Variants in FRMPD4 observed in about 807,000 individuals in gnomAD.
FRMPD4 encodes FERM and PDZ domain containing 4.
A neutral mutation model predicts 94.1 loss-of-function variants in FRMPD4; 22 were observed. The observed-to-expected ratio is 0.23, with a 90% confidence interval of 0.17 to 0.33. The LOEUF (loss-of-function observed/expected upper bound fraction) is 0.33, where lower values mean the gene tolerates loss of function less well. Among genes scored for constraint, FRMPD4 ranks in the 10% least tolerant of loss-of-function variants. The pLI, the probability that FRMPD4 is intolerant of heterozygous loss-of-function variation, is 1.00. For missense variants in FRMPD4, 1,111 were observed against 1,339.9 expected, an observed-to-expected ratio of 0.83 and a Z score of 2.67; for synonymous variants, 631 against 548.6, an observed-to-expected ratio of 1.15 and a Z score of -2.10.
At chrX:12,644,906 G>A (rs2059533569) in intron 4 of FRMPD4, among the ~76,000 whole-genome samples, 1 of 111,974 alleles carries the variant, frequency 8.9e-6, no homozygotes, top group Non-Finnish European at 1.9e-5. Flanking sequence ...AGCAAAGCAA[G>A]TCGAGAGTGA....
chrX:12,508,485 G>A lies in FRMPD4; in HGVS notation c.158+9689G>A, dbSNP rs2058008352. ...AACAAAAATCAGTTTGCACTGCCTAGAATATTGTCTGGGAAATAGTATGCA... is the reference window on the plus strand; with the variant it reads ...AACAAAAATCAGTTTGCACTGCCTAAAATATTGTCTGGGAAATAGTATGCA... On this transcript the variant is annotated intron_variant, in intron 2 of 16. Transcript: ENST00000675598. Among the ~76,000 whole-genome samples, 3 of 112,376 alleles carry A rather than the reference G, an allele frequency of 2.7e-5. No homozygotes were observed. The South Asian group carries it at 1.1e-3, about 41-fold the overall frequency.
chrX:12,400,554 T>C, intron 1 of FRMPD4, among the ~76,000 whole-genome samples: 1 of 112,144 alleles, frequency 8.9e-6, no homozygotes, highest in African/African-American at 3.2e-5. Context: ...ATTTTGAAAA[T>C]ATTACTTTCT....
intron 3 of FRMPD4, among the ~76,000 whole-genome samples, chrX:11,878,154 CT>C (rs2053795386): frequency 8.9e-6 from 1 of 111,929 alleles, no homozygotes; most frequent in African/African-American, 3.2e-5. Context: ...AGAACGATGC[CT>C]TTGGAGAAAA....
At position 12,332,202 on chromosome X, in the gene FRMPD4, A is replaced by ATC. The variant is rs1271840920; in HGVS notation, c.42-166477_42-166476insCT. 2.1e-4 allele frequency among the ~76,000 whole-genome samples: 14 copies of ATC among 67,459 alleles called. 1 individual carries two copies. The highest frequency in any genetic ancestry group is 1.2e-3 in the African/African-American group (14 of 11,682). 58.6% of individuals were successfully genotyped at this position (67,459 alleles called of 115,157 possible). On this transcript the variant is annotated intron_variant, in intron 1 of 16. Coordinates refer to ENST00000675598, the MANE Select transcript of FRMPD4 (RefSeq NM_001368397.1). ...TATAATTTATATTTTATATATATATATATATAGAGAGAGAGAGAGAGAGAG... is the reference window on the plus strand; with the variant it reads ...TATAATTTATATTTTATATATATATATCTATATAGAGAGAGAGAGAGAGAGAG...
rs761157782 is a variant in FRMPD4 at position 11,994,925 on chromosome X, G to A, written c.95+116907G>A. Among the ~76,000 whole-genome samples the A allele has an allele frequency of 6.3e-5, 7 of 111,330 alleles. No individual in the cohort carries two copies. The South Asian group carries it at 1.9e-3, about 30-fold the overall frequency. On this transcript the variant is annotated intron_variant, in intron 3 of 18. Coordinates refer to the FRMPD4 transcript ENST00000640291. ...TGCTTCCATGTTTTTCCTTCTCATT[G>A]TTGCATATTTGATGTGTTATGTCTG... is the stretch of plus-strand genomic sequence containing the variant.
intron 3 of FRMPD4, among the ~76,000 whole-genome samples, chrX:11,920,995 G>A (rs1200444393): frequency 8.9e-6 from 1 of 112,118 alleles, no homozygotes; most frequent in Non-Finnish European, 1.9e-5. Context: ...CCCCAACTTC[G>A]GTGCTGTAAT....
At position 12,111,015 on chromosome X, in the gene FRMPD4, A is replaced by G. The variant is rs1057089924; in HGVS notation, c.95+232997A>G. 2.4e-4 allele frequency among the ~76,000 whole-genome samples: 27 copies of G among 111,881 alleles called. 1 individual carries two copies. The highest frequency in any genetic ancestry group is 1.7e-4 in the Non-Finnish European group (9 of 53,181). On this transcript the variant is annotated intron_variant, in intron 3 of 18. Coordinates refer to the FRMPD4 transcript ENST00000640291. ...CTGCCCAAGGTAATTTATAGATTCA[A>G]TGCCATCCCCATCAAGCTACCAATG...
At chrX:12,107,578 G>T (rs1036985352) in intron 3 of FRMPD4, among the ~76,000 whole-genome samples, 2 of 112,143 alleles carry the variant, frequency 1.8e-5, no homozygotes, top group African/African-American at 6.5e-5. Context: ...AGAGAAGAAG[G>T]CTTCAGATGA....
At chrX:11,879,495 A>G (rs2053802117) in intron 3 of FRMPD4, among the ~76,000 whole-genome samples, 1 of 111,137 alleles carries the variant, frequency 9.0e-6, no homozygotes, top group Admixed American at 9.6e-5. Flanking sequence ...TTCCAGTTCA[A>G]TAGTCTCTTG....
intron 1 of FRMPD4, among the ~76,000 whole-genome samples, chrX:12,302,771 A>G (rs1424944541): frequency 1.8e-5 from 2 of 112,395 alleles, no homozygotes; most frequent in Non-Finnish European, 1.9e-5. Flanking sequence ...CTCTCATATC[A>G]TTAAGAATAT....
chrX:12,571,996 C>CT (rs751423871), intron 2 of FRMPD4, among the ~76,000 whole-genome samples: 47 of 112,299 alleles, frequency 4.2e-4, no homozygotes, highest in African/African-American at 1.5e-3. Flanking sequence ...TGGGTTTTCA[C>CT]TTAGCATATT....
At chrX:12,270,269 A>AG (rs2054335917) in intron 1 of FRMPD4, among the ~76,000 whole-genome samples, 1 of 110,566 alleles carries the variant, frequency 9.0e-6, no homozygotes, top group Admixed American at 9.6e-5. Flanking sequence ...TTTTTGAAAA[A>AG]AAAATGCTTT....
At chrX:12,520,808 A>C (rs2058154397) in intron 2 of FRMPD4, among the ~76,000 whole-genome samples, 1 of 112,097 alleles carries the variant, frequency 8.9e-6, no homozygotes, top group Admixed American at 9.4e-5. Flanking sequence ...TGGGCAGGAG[A>C]GATGGGAGGT....
chrX:12,188,566 G>A (rs186234041), intron 1 of FRMPD4, among the ~76,000 whole-genome samples: 154 of 111,870 alleles, frequency 1.4e-3, no homozygotes, highest in Admixed American at 2.9e-3. Context: ...TTGAACTAAC[G>A]TTTTAACTGA....
intron 1 of FRMPD4, among the ~76,000 whole-genome samples, chrX:12,161,384 C>T (rs965977982): frequency 4.5e-5 from 5 of 111,783 alleles, no homozygotes; most frequent in Non-Finnish European, 7.5e-5. Flanking sequence ...GTCTCCAATG[C>T]CGGGCCTTAA....
At chrX:11,851,135 G>C (rs1334248029) in intron 1 of FRMPD4, among the ~76,000 whole-genome samples, 1 of 111,705 alleles carries the variant, frequency 9.0e-6, no homozygotes, top group African/African-American at 3.3e-5. Context: ...GCCCAGGTAA[G>C]AATGCCACAG....
rs1346833841 is a variant in FRMPD4, at chrX:12,045,954, C to T, written c.95+167936C>T. ...TATTCTCTGGAAGAAGTAGACATGT[C>T]CATTAGTTTGGGACAAATAAGCTTT... On this transcript the variant is annotated intron_variant, in intron 3 of 18. Transcript: ENST00000640291. Among the ~76,000 whole-genome samples, 4 of 111,357 alleles carry T rather than the reference C, an allele frequency of 3.6e-5. No homozygotes were observed. In the East Asian group the frequency reaches 1.1e-3, roughly 31 times the overall value.
rs1422718938 is a variant in FRMPD4 at position 11,983,157 on chromosome X, T to TTA, written c.95+105139_95+105140insTA. Among the ~76,000 whole-genome samples the TTA allele has an allele frequency of 3.6e-5, 4 of 112,338 alleles. No individual in the cohort carries two copies. The East Asian group carries it at 8.3e-4, about 23-fold the overall frequency. Reference sequence around the variant, plus strand: ...TGAATTAGGAAAGCTCACCCATGTGTGGACAAGCTTTAGGGAACATACTTA... The same window carrying TTA: ...TGAATTAGGAAAGCTCACCCATGTGTTAGGACAAGCTTTAGGGAACATACTTA... On this transcript the variant is annotated intron_variant, in intron 3 of 18. Coordinates refer to the FRMPD4 transcript ENST00000640291.
chrX:11,969,941 T>C (rs1310710907), intron 3 of FRMPD4, among the ~76,000 whole-genome samples: 1 of 111,296 alleles, frequency 9.0e-6, no homozygotes, highest in South Asian at 3.9e-4. Context: ...TATTATTGAG[T>C]TACAGTTATA....
Sources: allele counts gnomAD v4.1 joint callset (sites outside exome capture counted in the v4.1 genomes callset), GRCh38; gene constraint gnomAD v4.1.1; transcripts MANE v1.5; gene names NCBI Gene and HGNC (gene_info 2026-07-23, HGNC 2026-07-21).